Variants in VPS13C observed in about 807,000 individuals in gnomAD.
VPS13C encodes the protein intermembrane lipid transfer protein VPS13C.
A neutral mutation model predicts 456.8 loss-of-function variants in VPS13C; 358 were observed. The ratio of observed to expected loss-of-function variants is 0.78; its 90% CI spans 0.72 to 0.86. The LOEUF (loss-of-function observed/expected upper bound fraction) is 0.86, where lower values mean the gene tolerates loss of function less well. VPS13C is among the 40% of genes least tolerant of loss of function. The pLI, the probability that VPS13C is intolerant of heterozygous loss-of-function variation, is 0.00. For synonymous variants in VPS13C, 1,578 were observed against 1,486.7 expected (o/e 1.06, Z -1.41); for missense variants, 4,818 against 4,385.4 (o/e 1.10, Z -2.79).
chr15:61,945,715 C>T lies in VPS13C; in HGVS notation c.5148G>A (p.Leu1716=), dbSNP rs779990193. 1.3e-6 allele frequency: 2 copies of T among 1,576,596 alleles called. No individual in the cohort carries two copies. The highest frequency in any genetic ancestry group is 1.4e-5 in the African/African-American group (1 of 72,384). ...VYVHKFFMSL[L]NFLNNFQTAK... ...AATAAATATATTTTTAAAAACTTAC[C>T]AAAAGAGACATGAAGAATTTATGAA... The change falls in exon 45 of 85, where the codon TTG becomes TTA. Residue 1716 remains leucine (L), a splice_region_variant and synonymous_variant. Coordinates refer to ENST00000644861, the MANE Select transcript of VPS13C (RefSeq NM_020821.3).
At chr15:62,021,086 A>T (rs1466577457) in intron 8 of VPS13C, among the ~76,000 whole-genome samples, 1 of 151,954 alleles carries the variant, frequency 6.6e-6, no homozygotes, top group African/African-American at 2.4e-5. Context: ...GTGGCAGCTA[A>T]ATAATGAATA....
At chr15:61,876,484 A>C (rs563125675) in intron 75 of VPS13C, among the ~76,000 whole-genome samples, 1 of 152,012 alleles carries the variant, frequency 6.6e-6, no homozygotes, top group Non-Finnish European at 1.5e-5. Flanking sequence ...CTGTATATGT[A>C]ATAGGAGAAA....
chr15:61,974,551 T>C (rs1157369472), intron 24 of VPS13C, 134 bp from the exon 25 acceptor site: 3 of 833,612 alleles, frequency 3.6e-6, no homozygotes, highest in South Asian at 4.9e-5. Flanking sequence ...TAATGCCTCA[T>C]TTAGACAACA....
intron 66 of VPS13C, among the ~76,000 whole-genome samples, chr15:61,904,270 C>T (rs191491728): frequency 9.3e-5 from 14 of 150,676 alleles, no homozygotes; most frequent in Non-Finnish European, 1.5e-5. Flanking sequence ...GAACTCAAAA[C>T]ACTCCACAAG....
At chr15:61,935,126 T>C (rs1285397593) in intron 48 of VPS13C, among the ~76,000 whole-genome samples, 1 of 152,094 alleles carries the variant, frequency 6.6e-6, no homozygotes, top group Non-Finnish European at 1.5e-5. Flanking sequence ...AATAGCAAAA[T>C]CAAACAGAGT....
At chr15:61,993,918 C>A (rs184849555) in intron 16 of VPS13C, among the ~76,000 whole-genome samples, 219 of 152,140 alleles carry the variant, frequency 1.4e-3, no homozygotes, top group Non-Finnish European at 2.0e-3. Context: ...CCTCTGTGAA[C>A]TATCTTTGCT....
At chr15:61,965,636 C>T (rs1596393492) in intron 30 of VPS13C, among the ~76,000 whole-genome samples, 1 of 151,880 alleles carries the variant, frequency 6.6e-6, no homozygotes, top group East Asian at 1.9e-4. Flanking sequence ...TCGCCTCTCT[C>T]CTTTTCTTTT....
intron 3 of VPS13C, among the ~76,000 whole-genome samples, chr15:62,035,923 AC>A (rs1472427427): frequency 6.6e-6 from 1 of 152,138 alleles, no homozygotes; most frequent in East Asian, 1.9e-4. Flanking sequence ...ACAAGAGAAG[AC>A]CAAAAGGGCA....
At chr15:61,890,996 G>A (rs933845595) in intron 66 of VPS13C, among the ~76,000 whole-genome samples, 5 of 152,266 alleles carry the variant, frequency 3.3e-5, no homozygotes, top group African/African-American at 1.2e-4. Context: ...ACAGTGAGCT[G>A]AGATAGCGTC....
intron 15 of VPS13C, among the ~76,000 whole-genome samples, chr15:62,006,819 T>C (rs1281570869): frequency 6.6e-6 from 1 of 152,204 alleles, no homozygotes; most frequent in Non-Finnish European, 1.5e-5. Context: ...AGATGGTATC[T>C]CATTGTGGTT....
intron 61 of VPS13C, 97 bp downstream of exon 61, chr15:61,915,536 C>T (rs1334442099): frequency 7.8e-7 from 1 of 1,287,230 alleles, no homozygotes; most frequent in Non-Finnish European, 1.0e-6. Context: ...TGGCATTTAG[C>T]AAATAGGTTA....
Position 61,917,530 on chromosome 15 carries a change from T to C in VPS13C, c.7866A>G (p.Arg2622=). ...KEELHRSREV[R]CMLQCPSVEV... ...CTACTGATGGACACTGCAACATGCA[T>C]CTGACTTCCCTGCTCCTATGAAGTT... Residue 2622 remains arginine, a synonymous_variant, in exon 60 of 85, where the codon AGA becomes AGG. Transcript: ENST00000644861. The C allele has an allele frequency of 6.2e-7, 1 of 1,614,036 alleles. No individual in the cohort carries two copies. The highest frequency in any genetic ancestry group is 8.5e-7 in the Non-Finnish European group (1 of 1,179,918).
intron 16 of VPS13C, among the ~76,000 whole-genome samples, chr15:61,998,502 T>C (rs1019416007): frequency 2.6e-5 from 4 of 152,210 alleles, no homozygotes; most frequent in African/African-American, 9.6e-5. Flanking sequence ...GTGTTTTACA[T>C]GAATTATGAG....
At chr15:61,914,878 T>TTAAAAAAAA (rs1455691773) in intron 61 of VPS13C, among the ~76,000 whole-genome samples, 2 of 102,048 alleles carry the variant, frequency 2.0e-5, no homozygotes, top group African/African-American at 7.4e-5. Context: ...AACTCTGCCT[T>TTAAAAAAAA]AAAAAAAAAA....
At chr15:61,978,479 G>C in intron 23 of VPS13C, 147 bp downstream of exon 23, 1 of 893,440 alleles carries the variant, frequency 1.1e-6, no homozygotes, top group Non-Finnish European at 1.6e-6. Flanking sequence ...TACACTGATA[G>C]TGTCCTACAT....
chr15:62,011,473 C>T (rs957601684), intron 12 of VPS13C, among the ~76,000 whole-genome samples: 6 of 151,824 alleles, frequency 4.0e-5, no homozygotes, highest in African/African-American at 1.5e-4. Context: ...TATAAAAGAA[C>T]ACGAAGAAAA....
intron 53 of VPS13C, among the ~76,000 whole-genome samples, chr15:61,925,215 T>C (rs2043808306): frequency 6.7e-6 from 1 of 150,238 alleles, no homozygotes; most frequent in African/African-American, 2.5e-5. Flanking sequence ...GCAAATAGAA[T>C]AGAGAAAAAC....
chr15:61,970,281 T>A (rs575330725), intron 27 of VPS13C, among the ~76,000 whole-genome samples: 128 of 152,270 alleles, frequency 8.4e-4, no homozygotes, highest in African/African-American at 2.8e-3. Context: ...CCAGTCAACA[T>A]CAGAATGCAA....
chr15:62,052,729 A>T (rs2140789350), intron 1 of VPS13C, among the ~76,000 whole-genome samples: 1 of 152,086 alleles, frequency 6.6e-6, no homozygotes, highest in Non-Finnish European at 1.5e-5. Flanking sequence ...TATTCATTTC[A>T]AATGAATCTA....
Sources: allele counts gnomAD v4.1 joint callset (sites outside exome capture counted in the v4.1 genomes callset), GRCh38; gene constraint gnomAD v4.1.1; transcripts MANE v1.5; gene names NCBI Gene and HGNC (gene_info 2026-07-23, HGNC 2026-07-21).